The following ACSS1 variants were observed in gnomAD, a reference collection of about 807,000 sequenced individuals.
ACSS1 encodes the protein acyl-CoA synthetase short chain family member 1, also known as acetyl-coenzyme A synthetase 2-like, mitochondrial.
In ACSS1, 42 loss-of-function variants were observed where a neutral mutation model predicts 75.3. The ratio of observed to expected loss-of-function variants is 0.56; its 90% CI spans 0.44 to 0.72. The LOEUF is 0.72. Ranked by LOEUF, ACSS1 falls within the 30% of genes least tolerant of loss-of-function variation. ACSS1 has a pLI of 0.00. For synonymous variants in ACSS1, 380 were observed against 376.8 expected (o/e 1.01, Z -0.10); for missense variants, 782 against 935.7 (o/e 0.84, Z 2.14).
intron 1 of ACSS1, among the ~76,000 whole-genome samples, chr20:25,050,514 G>A (rs1240834761): frequency 1.3e-5 from 2 of 152,064 alleles, no homozygotes; most frequent in East Asian, 3.9e-4. Context: ...AGCTCTGCCT[G>A]ACATACTTGC....
chr20:25,043,956 C>A (rs976593485), intron 2 of ACSS1, among the ~76,000 whole-genome samples: 1 of 152,224 alleles, frequency 6.6e-6, no homozygotes, highest in South Asian at 2.1e-4. Flanking sequence ...TTCACACCCC[C>A]CTACAGAGAC....
chr20:25,023,971 C>A (rs904901857), intron 3 of ACSS1, among the ~76,000 whole-genome samples: 2 of 152,176 alleles, frequency 1.3e-5, no homozygotes, highest in African/African-American at 2.4e-5. Context: ...CAGGAGCAAA[C>A]CCCAGGAAAG....
rs2088666825 is a variant in ACSS1, at chr20:25,023,646, CAG to C, written c.632-7_632-6del. ...TGATAACCACCTTGCACTTGGCTAA[CAG>C]AGACAACACAGACATTTCTGATCAG... is the stretch of plus-strand genomic sequence containing the variant. On this transcript the variant is annotated splice_polypyrimidine_tract_variant and splice_region_variant and intron_variant, in intron 3 of 13. Transcript: ENST00000323482. The C allele has an allele frequency of 6.3e-7, 1 of 1,593,166 alleles. No homozygotes were observed. The highest frequency in any genetic ancestry group is 8.6e-7 in the Non-Finnish European group (1 of 1,168,950).
At chr20:25,021,226 T>C (rs6106986) in intron 6 of ACSS1, among the ~76,000 whole-genome samples, 163 bp downstream of exon 6, 16,319 of 152,282 alleles carry the variant, frequency 0.11, 982 homozygotes, top group African/African-American at 0.15. Flanking sequence ...TCTGAAGACC[T>C]GGGGCCTGGC....
intron 2 of ACSS1, chr20:25,032,636 G>A (rs1339781484): frequency 2.4e-6 from 3 of 1,227,822 alleles, no homozygotes; most frequent in African/African-American, 1.6e-5. Flanking sequence ...GACCCTCCTC[G>A]GGCTCTCAAG....
intron 2 of ACSS1, among the ~76,000 whole-genome samples, chr20:25,047,565 C>T (rs1221128764): frequency 6.6e-6 from 1 of 152,124 alleles, no homozygotes; most frequent in Non-Finnish European, 1.5e-5. Flanking sequence ...TAATCACGCT[C>T]GATGATTGTG....
In ACSS1 at chr20:25,020,025, G is replaced by T; in HGVS notation, c.1231C>A (p.Arg411=). The change falls in exon 7 of 14, where the codon CGG becomes AGG. Residue 411 remains arginine (R), a synonymous_variant. Transcript: ENST00000323482. ...GGCCGCTCACCTGACCCCAGGGTCC[G>T]CAGGGAGGAGCGATCATACTTCTTC... ...WVKKYDRSSL[R]TLGSVGEPIN... is the part of the protein sequence containing the mutation. The T allele has an allele frequency of 1.2e-6, 2 of 1,614,218 alleles. No homozygotes were observed. The highest frequency in any genetic ancestry group is 1.1e-5 in the South Asian group (1 of 91,090).
At chr20:25,043,951 A>AC (rs796482845) in intron 2 of ACSS1, among the ~76,000 whole-genome samples, 10 of 152,096 alleles carry the variant, frequency 6.6e-5, no homozygotes, top group African/African-American at 2.4e-4. Context: ...TTAAGTTCAC[A>AC]CCCCCCTACA....
chr20:25,054,613 G>C (rs1253052777), intron 1 of ACSS1, among the ~76,000 whole-genome samples: 1 of 152,232 alleles, frequency 6.6e-6, no homozygotes, highest in Non-Finnish European at 1.5e-5. Context: ...GCTGTGACAA[G>C]CCCCAGGAGG....
In ACSS1 at chr20:25,014,081, T is replaced by C. The variant is rs766410829; in HGVS notation, c.1340-8A>G. 1 of 1,598,222 alleles carries C rather than the reference T, an allele frequency of 6.3e-7. No homozygotes were observed. The highest frequency in any genetic ancestry group is 1.1e-5 in the South Asian group (1 of 89,054). ...TGCAGATGCCACCTGTTTCTGCAGG[T>C]ATGACAAGAAAGAAATGCATAATCG... On this transcript the variant is annotated splice_region_variant and splice_polypyrimidine_tract_variant and intron_variant, in intron 8 of 13. Coordinates refer to ENST00000323482, the MANE Select transcript of ACSS1 (RefSeq NM_032501.4).
Position 25,007,391 on chromosome 20 carries a change from G to T in ACSS1, c.*371C>A. 1 of 1,104,330 alleles carries T rather than the reference G, an allele frequency of 9.1e-7. No individual in the cohort carries two copies. Among genetic ancestry groups the T allele is most frequent in the Non-Finnish European group, 1.1e-6 (1 of 904,910 alleles). The allele number at this position is 1,104,330 out of a possible 1,614,324, so 68.4% of individuals were successfully genotyped here. A position where few individuals can be genotyped will look rare whatever the true frequency, so the allele number is the denominator to read the frequency against. On this transcript the variant is annotated 3_prime_UTR_variant, in exon 14 of 14. Transcript: ENST00000323482. The stretch of plus-strand genomic sequence containing the variant: ...TCTAGACAGATCTGGAGAAAACACG[G>T]TTGCTACTAGCTAACTAGCTCTGTG...
rs568560973 is a variant in ACSS1, at chr20:25,045,682, G to T, written c.431+2403C>A. Among the ~76,000 whole-genome samples the T allele has an allele frequency of 2.0e-5, 3 of 152,344 alleles. No individual in the cohort carries two copies. The East Asian group carries it at 5.8e-4, about 29-fold the overall frequency. On this transcript the variant is annotated intron_variant, in intron 2 of 13. Coordinates refer to ENST00000323482, the MANE Select transcript of ACSS1 (RefSeq NM_032501.4). ...GGGCAGAAAAGCACTGTGTTCAGTGGCAGTGATGTGTCTGTCAGGAGGACA... is the reference window on the plus strand; with the variant it reads ...GGGCAGAAAAGCACTGTGTTCAGTGTCAGTGATGTGTCTGTCAGGAGGACA...
intron 13 of ACSS1, 34 bp from the exon 14 acceptor site, chr20:25,007,975 A>G: frequency 1.9e-6 from 3 of 1,608,226 alleles, no homozygotes; most frequent in Non-Finnish European, 2.5e-6. Flanking sequence ...TAGAGCGTGG[A>G]TGGTGCCCAG....
intron 2 of ACSS1, among the ~76,000 whole-genome samples, chr20:25,036,150 G>A (rs1429728192): frequency 6.6e-6 from 1 of 152,184 alleles, no homozygotes; most frequent in Non-Finnish European, 1.5e-5. Context: ...TTCAGGTACT[G>A]AGCAGGATAT....
In ACSS1 at chr20:25,023,577, C is replaced by T. The variant is rs1428933562; in HGVS notation, c.696G>A (p.Lys232=). ...GCTTCACAGCCTCATCCACTATTTT[C>T]TTCAGCTCCACCACGCGCCCACCCC... ...GLRGGRVVEL[K]KIVDEAVKHC... The change falls in exon 4 of 14, where the codon AAG becomes AAA. Residue 232 remains lysine, a synonymous_variant. Transcript: ENST00000323482. 6.2e-7 allele frequency: 1 copy of T among 1,614,102 alleles called. No homozygotes were observed. The highest frequency in any genetic ancestry group is 8.5e-7 in the Non-Finnish European group (1 of 1,180,008).
In ACSS1 at chr20:25,012,833, G is replaced by C. The variant is rs779037733; in HGVS notation, c.1686C>G (p.Thr562=). The C allele has an allele frequency of 5.0e-6, 8 of 1,614,038 alleles. No homozygotes were observed. Among genetic ancestry groups the C allele is most frequent in the Non-Finnish European group, 6.8e-6 (8 of 1,180,044 alleles). Residue 562 remains threonine, a synonymous_variant, in exon 11 of 14, where the codon ACC becomes ACG. Coordinates refer to ENST00000323482, the MANE Select transcript of ACSS1 (RefSeq NM_032501.4). ...VINISGHRLG[T]AEIEDAIADH... ...TCACGATGGCGTCCTCAATCTCTGC[G>C]GTCCCCAGCCGGTGGCCACTGATGT... is the stretch of plus-strand genomic sequence containing the variant.
chr20:25,055,871 C>T (rs1419003834), intron 1 of ACSS1, among the ~76,000 whole-genome samples: 1 of 152,194 alleles, frequency 6.6e-6, no homozygotes, highest in Non-Finnish European at 1.5e-5. Context: ...GAGTCATGGC[C>T]TGGCCTGGCC....
rs923637159 is a variant in ACSS1, at chr20:25,038,602, G to A, written c.432-7644C>T. On this transcript the variant is annotated intron_variant, in intron 2 of 13. Transcript: ENST00000323482. ...TTATGGAAGCTGCAGTCTCCGTGTC[G>A]CCGGCTCAGGGCACATGCACCTCAG... Among the ~76,000 whole-genome samples the A allele has an allele frequency of 2.0e-5, 3 of 152,176 alleles. No homozygotes were observed. The South Asian group carries it at 6.2e-4, about 32-fold the overall frequency.
rs1328549273 is a variant in ACSS1, at chr20:25,007,501, T to A, written c.*261A>T. The stretch of plus-strand genomic sequence containing the variant: ...GAGGAATGGAGATGGCAATGCCTTT[T>A]CATTCCAGGAAACCAAACTCAGATG... On this transcript the variant is annotated 3_prime_UTR_variant, in exon 14 of 14. Transcript: ENST00000323482. 7.6e-7 allele frequency: 1 copy of A among 1,310,004 alleles called. No individual in the cohort carries two copies. Among genetic ancestry groups the A allele is most frequent in the Admixed American group, 3.5e-5 (1 of 28,650 alleles). The allele number at this position is 1,310,004 out of a possible 1,614,324, so 81.1% of individuals were successfully genotyped here.
Sources: gnomAD v4.1 joint callset for allele counts (sites outside exome capture counted in the v4.1 genomes callset) on GRCh38, gnomAD v4.1.1 for gene constraint, MANE v1.5 for transcripts, NCBI Gene and HGNC (gene_info 2026-07-23, HGNC 2026-07-21) for gene names.